WDR7: variants seen among roughly 807,000 people sequenced by gnomAD.
The protein encoded by WDR7 is WD repeat domain 7, also known as WD repeat-containing protein 7.
A neutral mutation model predicts 169.4 loss-of-function variants in WDR7; 46 were observed. The ratio of observed to expected loss-of-function variants is 0.27; its 90% CI spans 0.21 to 0.35. The LOEUF (loss-of-function observed/expected upper bound fraction) is 0.35. Among genes scored for constraint, WDR7 ranks in the 10% least tolerant of loss-of-function variants. The pLI is 1.00. For missense variants in WDR7, 1,534 were observed against 1,859.3 expected, an observed-to-expected ratio of 0.83 and a Z score of 3.22; for synonymous variants, 612 against 666.8, an observed-to-expected ratio of 0.92 and a Z score of 1.27.
chr18:56,973,065 A>G (rs151328011), intron 26 of WDR7, among the ~76,000 whole-genome samples: 5,695 of 152,156 alleles, frequency 0.037, 130 homozygotes, highest in Non-Finnish European at 0.053. Flanking sequence ...ACGGGGTTTC[A>G]CCATGTTGGC....
At chr18:56,737,940 AAT>A (rs2026736504) in intron 14 of WDR7, among the ~76,000 whole-genome samples, 2 of 152,326 alleles carry the variant, frequency 1.3e-5, no homozygotes, top group South Asian at 4.1e-4. Flanking sequence ...TTTAATAGAA[AAT>A]ATGAGTATGT....
intron 21 of WDR7, among the ~76,000 whole-genome samples, chr18:56,920,152 T>A (rs748581162): frequency 8.5e-5 from 13 of 152,144 alleles, no homozygotes; most frequent in Non-Finnish European, 1.8e-4. Context: ...CCATGTTCCC[T>A]CTTATTTCCT....
At position 56,718,005 on chromosome 18, in the gene WDR7, C is replaced by T; in HGVS notation, c.1620C>T (p.His540=). 1.9e-6 allele frequency: 3 copies of T among 1,614,124 alleles called. No homozygotes were observed. The highest frequency in any genetic ancestry group is 2.5e-6 in the Non-Finnish European group (3 of 1,179,998). Residue 540 remains histidine, a synonymous_variant, in exon 13 of 28, where the codon CAC becomes CAT. Transcript: ENST00000254442. ...QHCICSVASD[H]SVGLLSLREK... ...GCATCTGCTCTGTAGCCAGTGACCA[C>T]TCAGTAGGACTTCTAAGTTTGCGAG...
At chr18:57,019,732 C>T (rs2048260795) in intron 26 of WDR7, among the ~76,000 whole-genome samples, 1 of 152,098 alleles carries the variant, frequency 6.6e-6, no homozygotes, top group African/African-American at 2.4e-5. Flanking sequence ...AAACACATAA[C>T]AAGCCTGATG....
chr18:56,653,769 C>G lies in WDR7; in HGVS notation c.-20+2193C>G, dbSNP rs1598935497. Among the ~76,000 whole-genome samples, 3 of 152,184 alleles carry G rather than the reference C, an allele frequency of 2.0e-5. No homozygotes were observed. In the East Asian group the frequency reaches 5.8e-4, roughly 29 times the overall value. On this transcript the variant is annotated intron_variant, in intron 1 of 27. Transcript: ENST00000254442. ...AGAATGTACATCTACTACAGTTTAT[C>G]TGTCTGCTCTCCTATTTGTAGATAC...
chr18:56,939,936 ATAATT>A (rs1047990885), intron 25 of WDR7, among the ~76,000 whole-genome samples: 2 of 150,990 alleles, frequency 1.3e-5, no homozygotes, highest in African/African-American at 2.4e-5. Flanking sequence ...ATATATATAC[ATAATT>A]TAATAATTAT....
intron 26 of WDR7, among the ~76,000 whole-genome samples, chr18:56,987,145 A>G (rs2047733507): frequency 6.6e-6 from 1 of 152,130 alleles, no homozygotes; most frequent in Non-Finnish European, 1.5e-5. Context: ...TTTTGATAGC[A>G]TGAGGTTTGT....
At chr18:56,926,881 G>C (rs1337243418) in intron 22 of WDR7, among the ~76,000 whole-genome samples, 1 of 152,208 alleles carries the variant, frequency 6.6e-6, no homozygotes, top group Admixed American at 6.5e-5. Flanking sequence ...GAGATGGTGG[G>C]AAGTGGAGCA....
intron 5 of WDR7, among the ~76,000 whole-genome samples, chr18:56,684,954 A>G (rs1191683334): frequency 6.6e-6 from 1 of 152,226 alleles, no homozygotes; most frequent in Non-Finnish European, 1.5e-5. Flanking sequence ...AATATTAGTT[A>G]CAATGAATCT....
intron 13 of WDR7, 81 bp downstream of exon 13, chr18:56,718,240 G>T: frequency 7.5e-7 from 1 of 1,337,372 alleles, no homozygotes; most frequent in South Asian, 1.8e-5. Flanking sequence ...TCTTTTATAT[G>T]AAGAAAAAAG....
intron 25 of WDR7, among the ~76,000 whole-genome samples, chr18:56,951,885 T>C (rs926457641): frequency 1.3e-5 from 2 of 152,232 alleles, no homozygotes; most frequent in Non-Finnish European, 2.9e-5. Context: ...CAGTGAGTTA[T>C]AACTATCAAT....
intron 27 of WDR7, among the ~76,000 whole-genome samples, chr18:57,023,527 G>C (rs756452305): frequency 6.6e-6 from 1 of 152,182 alleles, no homozygotes; most frequent in Non-Finnish European, 1.5e-5. Context: ...AATTATAGCT[G>C]TGTTTCTGTG....
intron 19 of WDR7, among the ~76,000 whole-genome samples, chr18:56,811,785 C>G (rs2044874036): frequency 6.6e-6 from 1 of 152,042 alleles, no homozygotes; most frequent in East Asian, 1.9e-4. Flanking sequence ...ATCATTTTGG[C>G]AGATTGGTGT....
intron 26 of WDR7, 46 bp from the exon 27 acceptor site, chr18:57,020,699 G>T: frequency 6.4e-7 from 1 of 1,569,066 alleles, no homozygotes; most frequent in Non-Finnish European, 8.8e-7. Flanking sequence ...ACTTGTAATT[G>T]TCCTGTGAAA....
At chr18:56,945,062 A>G (rs1048327814) in intron 25 of WDR7, among the ~76,000 whole-genome samples, 9 of 152,200 alleles carry the variant, frequency 5.9e-5, no homozygotes, top group African/African-American at 1.9e-4. Flanking sequence ...ATGTACACAT[A>G]CATACACACA....
chr18:56,758,274 T>C (rs2043928999), intron 15 of WDR7, among the ~76,000 whole-genome samples: 1 of 152,220 alleles, frequency 6.6e-6, no homozygotes, highest in African/African-American at 2.4e-5. Flanking sequence ...CAGTCTCTGT[T>C]GTAAGTACTT....
At position 56,718,134 on chromosome 18, in the gene WDR7, T is replaced by C. The variant is rs1480805398; in HGVS notation, c.1749T>C (p.Ser583=). 2.5e-6 allele frequency: 4 copies of C among 1,613,116 alleles called. No individual in the cohort carries two copies. Among genetic ancestry groups the C allele is most frequent in the Admixed American group, 3.3e-5 (2 of 59,840 alleles). ...DYLVVGCSDG[S]VYVWQMDTGA... is the part of the protein sequence containing the mutation. ...TGGTGGTGGGGTGTTCAGATGGTTCTGTGTACGTCTGGCAAATGGATACTG... is the reference window on the plus strand; with the variant it reads ...TGGTGGTGGGGTGTTCAGATGGTTCCGTGTACGTCTGGCAAATGGATACTG... Residue 583 remains serine (S), a synonymous_variant, in exon 13 of 28, where the codon TCT becomes TCC. Coordinates refer to ENST00000254442, the MANE Select transcript of WDR7 (RefSeq NM_015285.3).
intron 5 of WDR7, among the ~76,000 whole-genome samples, chr18:56,683,531 A>T (rs1395943291): frequency 6.6e-6 from 1 of 152,088 alleles, no homozygotes; most frequent in African/African-American, 2.4e-5. Flanking sequence ...AACCACCACC[A>T]CTACCACCGG....
rs2024652664 is a variant in WDR7 at position 56,651,534 on chromosome 18, G to T, written c.-62G>T. On this transcript the variant is annotated 5_prime_UTR_variant, in exon 1 of 28. Coordinates refer to ENST00000254442, the MANE Select transcript of WDR7 (RefSeq NM_015285.3). The stretch of plus-strand genomic sequence containing the variant: ...CTCCTTGGCTGGGGCGCCCACCGGC[G>T]GTCTGATAGGCTACATCGCGGCATG... 1 of 152,650 alleles carries T rather than the reference G, an allele frequency of 6.6e-6. No individual in the cohort carries two copies. Among genetic ancestry groups the T allele is most frequent in the African/African-American group, 2.4e-5 (1 of 41,462 alleles). The allele number at this position is 152,650 out of a possible 1,614,324, so 9.5% of individuals were successfully genotyped here.
Sources: allele counts gnomAD v4.1 joint callset (sites outside exome capture counted in the v4.1 genomes callset), GRCh38; gene constraint gnomAD v4.1.1; transcripts MANE v1.5; gene names NCBI Gene and HGNC (gene_info 2026-07-23, HGNC 2026-07-21).